SLC44A3: variants seen among roughly 807,000 people sequenced by gnomAD.
SLC44A3 encodes choline transporter-like protein 3.
Under a neutral mutation model 75.4 loss-of-function variants are expected in SLC44A3, and 74 were observed. That is an observed-to-expected ratio of 0.98 (90% CI 0.81 to 1.19). The LOEUF is 1.19. Ranked by LOEUF, SLC44A3 falls within the 50% of genes most tolerant of loss-of-function variation. The pLI is 0.00. For synonymous variants in SLC44A3, 310 were observed against 296.9 expected (o/e 1.04, Z -0.45); for missense variants, 700 against 778.6 (o/e 0.90, Z 1.20).
intron 5 of SLC44A3, chr1:94,836,924 A>C (rs71652585): frequency 0.52 from 76,682 of 147,552 alleles, 20,134 homozygotes; most frequent in East Asian, 0.67. Context: ...AAAAAAAAAA[A>C]AAAAAAAAAA....
chr1:94,831,504 C>T (rs891054791), intron 5 of SLC44A3, among the ~76,000 whole-genome samples: 1 of 152,172 alleles, frequency 6.6e-6, no homozygotes, highest in Non-Finnish European at 1.5e-5. Flanking sequence ...GTACCCTTTT[C>T]GAGTAATGGC....
intron 4 of SLC44A3, among the ~76,000 whole-genome samples, chr1:94,828,165 C>T (rs1234084922): frequency 6.6e-6 from 1 of 152,178 alleles, no homozygotes; most frequent in Non-Finnish European, 1.5e-5. Context: ...TTTTATCTGT[C>T]TGAGAAATGG....
At chr1:94,878,091 G>T (rs61772585) in intron 12 of SLC44A3, among the ~76,000 whole-genome samples, 26,319 of 151,864 alleles carry the variant, frequency 0.17, 2,517 homozygotes, top group Admixed American at 0.25. Context: ...AAAATTAGCC[G>T]GGCGAGGTGG....
chr1:94,868,328 T>A lies in SLC44A3; in HGVS notation c.1482+911T>A, dbSNP rs369376573. Reference sequence around the variant, plus strand: ...TCCCAAAGAAATGTACCTTTAGAAGTAAAGGGACTAATTAGACCACCTATG... The same window carrying A: ...TCCCAAAGAAATGTACCTTTAGAAGAAAAGGGACTAATTAGACCACCTATG... On this transcript the variant is annotated intron_variant, in intron 12 of 14. Transcript: ENST00000271227. 3.3e-5 allele frequency among the ~76,000 whole-genome samples: 5 copies of A among 152,302 alleles called. No homozygotes were observed. The East Asian group carries it at 9.6e-4, about 29-fold the overall frequency.
At chr1:94,873,216 G>A (rs1032181858) in intron 12 of SLC44A3, among the ~76,000 whole-genome samples, 2 of 152,164 alleles carry the variant, frequency 1.3e-5, no homozygotes, top group Non-Finnish European at 2.9e-5. Flanking sequence ...CGAGCCTGAT[G>A]GATCTGTGCT....
rs1349462185 is a variant in SLC44A3 at position 94,895,226 on chromosome 1, TA to T, written c.*307del. ...AGTTTGTAAGTGCACAACTAATAAA[TA>T]AACCTTTTTAAGATAAGGATTTTGT... On this transcript the variant is annotated 3_prime_UTR_variant, in exon 15 of 15. Coordinates refer to ENST00000271227, the MANE Select transcript of SLC44A3 (RefSeq NM_001114106.3). 4.7e-6 allele frequency: 1 copy of T among 214,548 alleles called. No individual in the cohort carries two copies. Among genetic ancestry groups the T allele is most frequent in the Non-Finnish European group, 9.3e-6 (1 of 107,520 alleles). The allele number at this position is 214,548 out of a possible 1,614,324, so 13.3% of individuals were successfully genotyped here. A position where few individuals can be genotyped will look rare whatever the true frequency, so the allele number is the denominator to read the frequency against.
rs375631275 is a variant in SLC44A3, at chr1:94,827,790, C to T, written c.415+147C>T. 22 of 937,886 alleles carry T rather than the reference C, an allele frequency of 2.3e-5. 1 individual carries two copies. In the African/African-American group the frequency reaches 2.5e-4, roughly 11 times the overall value. 58.1% of individuals were successfully genotyped at this position (937,886 alleles called of 1,614,324 possible). A position where few individuals can be genotyped will look rare whatever the true frequency, so the allele number is the denominator to read the frequency against. On this transcript the variant is annotated intron_variant, in intron 4 of 14. Transcript: ENST00000271227. ...GTGCCTCTTTTTGTGTGGAAAAGGC[C>T]GTAAGCATTTTCTCTTGAGCTTGTT...
At chr1:94,840,528 G>A (rs1384883907) in intron 7 of SLC44A3, among the ~76,000 whole-genome samples, 1 of 151,954 alleles carries the variant, frequency 6.6e-6, no homozygotes, top group Non-Finnish European at 1.5e-5. Flanking sequence ...GAGCTCAAGC[G>A]ATCCGCCCAC....
At chr1:94,875,749 T>G (rs758170468) in intron 12 of SLC44A3, among the ~76,000 whole-genome samples, 3 of 152,182 alleles carry the variant, frequency 2.0e-5, no homozygotes, top group African/African-American at 7.2e-5. Context: ...ACAACACTAG[T>G]TGAAAAGGTC....
At chr1:94,869,341 C>A (rs1320626612) in intron 12 of SLC44A3, among the ~76,000 whole-genome samples, 2 of 152,188 alleles carry the variant, frequency 1.3e-5, no homozygotes, top group Non-Finnish European at 2.9e-5. Context: ...AAGTAATGAT[C>A]CCTGATTCAC....
intron 12 of SLC44A3, among the ~76,000 whole-genome samples, chr1:94,879,138 G>C (rs1434687478): frequency 6.6e-6 from 1 of 151,818 alleles, no homozygotes; most frequent in African/African-American, 2.4e-5. Context: ...CTATAGAATG[G>C]GAGAAAATAA....
intron 14 of SLC44A3, among the ~76,000 whole-genome samples, chr1:94,892,858 G>A (rs1390979915): frequency 6.6e-6 from 1 of 152,144 alleles, no homozygotes; most frequent in Admixed American, 6.5e-5. Flanking sequence ...TGGCCTTTTG[G>A]GTGGTCTAGA....
chr1:94,840,276 C>CTTTTTTTTTTTTTTTTTTTTTTT (rs1663414898), intron 7 of SLC44A3, among the ~76,000 whole-genome samples: 1 of 115,702 alleles, frequency 8.6e-6, no homozygotes, highest in Non-Finnish European at 1.8e-5. Context: ...TTTTCTTTTT[C>CTTTTTTTTTTTTTTTTTTTTTTT]TTTTTCCTTT....
At chr1:94,871,759 G>C (rs1667785689) in intron 12 of SLC44A3, among the ~76,000 whole-genome samples, 1 of 152,158 alleles carries the variant, frequency 6.6e-6, no homozygotes, top group South Asian at 2.1e-4. Flanking sequence ...GATTCCATAG[G>C]TTTTTCATTT....
intron 12 of SLC44A3, among the ~76,000 whole-genome samples, chr1:94,868,226 G>A (rs993743519): frequency 6.6e-6 from 1 of 152,048 alleles, no homozygotes; most frequent in Non-Finnish European, 1.5e-5. Context: ...CAGTATTTTT[G>A]TAAGTTAGCA....
At position 94,845,296 on chromosome 1, in the gene SLC44A3, AT is replaced by A. The variant is rs1664264312; in HGVS notation, c.909del (p.Phe303LeufsTer7). 6.2e-7 allele frequency: 1 copy of A among 1,611,202 alleles called. No individual in the cohort carries two copies. The highest frequency in any genetic ancestry group is 1.1e-5 in the South Asian group (1 of 90,584). On this transcript the variant is annotated frameshift_variant, in exon 9 of 15. Coordinates refer to ENST00000271227, the MANE Select transcript of SLC44A3 (RefSeq NM_001114106.3). LOFTEE classifies it high-confidence loss of function. ...TCACCAGGCAGTGCTGCTCGTCTTG[AT>A]TTTTGTTCTCAGAAAGAGAATAAAA... is the stretch of plus-strand genomic sequence containing the variant. ...TGITAVLLVL[I>X]FVLRKRIKLT... is the part of the protein sequence containing the mutation.
chr1:94,840,116 G>A (rs1663382898), intron 7 of SLC44A3, 79 bp downstream of exon 7: 2 of 1,228,546 alleles, frequency 1.6e-6, no homozygotes, highest in East Asian at 4.7e-5. Flanking sequence ...TTAAAAGTTG[G>A]CATTTTTAAG....
chr1:94,877,654 A>G (rs1175249449), intron 12 of SLC44A3, among the ~76,000 whole-genome samples: 1 of 152,162 alleles, frequency 6.6e-6, no homozygotes, highest in Non-Finnish European at 1.5e-5. Flanking sequence ...TTTGCTTCAA[A>G]CAGCTTTCTT....
chr1:94,843,752 G>A (rs1156304294), intron 8 of SLC44A3, among the ~76,000 whole-genome samples: 1 of 152,012 alleles, frequency 6.6e-6, no homozygotes, highest in Non-Finnish European at 1.5e-5. Flanking sequence ...TGATAGGTTT[G>A]ATCTTTCTCC....
Sources: allele counts gnomAD v4.1 joint callset (sites outside exome capture counted in the v4.1 genomes callset), GRCh38; gene constraint gnomAD v4.1.1; transcripts MANE v1.5; gene names NCBI Gene and HGNC (gene_info 2026-07-23, HGNC 2026-07-21).